The following SOX5 variants were observed in gnomAD, a reference collection of about 807,000 sequenced individuals.
The protein encoded by SOX5 is SRY-box transcription factor 5.
SOX5 carries 9 observed loss-of-function variants against 92.0 expected under a neutral mutation model. The ratio of observed to expected loss-of-function variants is 0.10; its 90% CI spans 0.06 to 0.17. The LOEUF (loss-of-function observed/expected upper bound fraction) is 0.17. Ranked by LOEUF, SOX5 falls within the 10% of genes least tolerant of loss-of-function variation. SOX5 has a pLI of 1.00. For missense variants in SOX5, 642 were observed against 944.5 expected, an observed-to-expected ratio of 0.68 and a Z score of 4.20; for synonymous variants, 344 against 336.3, an observed-to-expected ratio of 1.02 and a Z score of -0.25.
At position 24,485,630 on chromosome 12, in the gene SOX5, A is replaced by T. The variant is rs548243531; in HGVS notation, c.-251+76699T>A. On this transcript the variant is annotated intron_variant, in intron 1 of 4. Transcript: ENST00000446891. ...GACTAGGAAAAAAAAATGTATCTAA[A>T]GAGCACCTAGAAATAAATGTCTGGT... Among the ~76,000 whole-genome samples, 6 of 152,308 alleles carry T rather than the reference A, an allele frequency of 3.9e-5. No individual in the cohort carries two copies. The East Asian group carries it at 9.6e-4, about 24-fold the overall frequency.
intron 8 of SOX5, among the ~76,000 whole-genome samples, chr12:23,639,867 G>A (rs938299728): frequency 3.9e-5 from 6 of 152,114 alleles, no homozygotes; most frequent in African/African-American, 1.4e-4. Flanking sequence ...TTTCCTTATA[G>A]ACTAAGATCA....
chr12:23,838,280 T>C (rs1452091299), intron 3 of SOX5, among the ~76,000 whole-genome samples: 2 of 150,344 alleles, frequency 1.3e-5, no homozygotes, highest in Non-Finnish European at 3.0e-5. Flanking sequence ...GATACAATTT[T>C]TGCTTTGTTA....
chr12:24,019,729 G>A (rs1954074330), intron 4 of SOX5, among the ~76,000 whole-genome samples: 1 of 152,176 alleles, frequency 6.6e-6, no homozygotes, highest in South Asian at 2.1e-4. Context: ...AATGTGCCCA[G>A]TGTCTCAGAG....
intron 11 of SOX5, among the ~76,000 whole-genome samples, chr12:23,549,005 C>A (rs1943673321): frequency 6.6e-6 from 1 of 152,048 alleles, no homozygotes; most frequent in East Asian, 1.9e-4. Context: ...TCCAGCCATC[C>A]CCTCTCTGAA....
intron 1 of SOX5, among the ~76,000 whole-genome samples, chr12:24,538,876 G>C (rs1213353428): frequency 6.6e-6 from 1 of 151,840 alleles, no homozygotes; most frequent in Non-Finnish European, 1.5e-5. Context: ...AAACACGCTG[G>C]GATTTTGTTT....
chr12:24,479,448 T>G (rs1416269922), intron 1 of SOX5, among the ~76,000 whole-genome samples: 1 of 152,204 alleles, frequency 6.6e-6, no homozygotes, highest in East Asian at 1.9e-4. Flanking sequence ...ATTTAATCTT[T>G]GCAACAACCG....
intron 4 of SOX5, among the ~76,000 whole-genome samples, chr12:24,207,598 G>A (rs1476796821): frequency 6.6e-6 from 1 of 152,166 alleles, no homozygotes; most frequent in African/African-American, 2.4e-5. Flanking sequence ...AGGGCCCTGG[G>A]CAGATATTAA....
chr12:24,335,974 T>TATATATATATATATATATATATATATAG (rs1555235780), intron 2 of SOX5, among the ~76,000 whole-genome samples: 1 of 138,032 alleles, frequency 7.2e-6, no homozygotes. Flanking sequence ...AATGCTATCA[T>TATATATATATATATATATATATATATAG]ATATATATAT....
chr12:24,266,584 C>T lies in SOX5; in HGVS notation c.-77+10632G>A, dbSNP rs1213319865. ...GAATTACTTGATGATTTATAAAAAT[C>T]AAACATTTTATGTTTATTCTTCATT... On this transcript the variant is annotated intron_variant, in intron 3 of 4. Transcript: ENST00000446891. 2.0e-5 allele frequency among the ~76,000 whole-genome samples: 3 copies of T among 152,148 alleles called. No individual in the cohort carries two copies. The East Asian group carries it at 5.8e-4, about 29-fold the overall frequency.
rs371398111 is a variant in SOX5 at position 24,127,347 on chromosome 12, C to A, written c.-2+85996G>T. ...TGGGTTCAGCTGTGAGCTGAGACTGCCCCACTGCATTCCAGCCTGGGTAAT... is the reference window on the plus strand; with the variant it reads ...TGGGTTCAGCTGTGAGCTGAGACTGACCCACTGCATTCCAGCCTGGGTAAT... On this transcript the variant is annotated intron_variant, in intron 4 of 4. Coordinates refer to the SOX5 transcript ENST00000446891. Among the ~76,000 whole-genome samples the A allele has an allele frequency of 2.0e-5, 3 of 151,140 alleles. No homozygotes were observed. The East Asian group carries it at 5.8e-4, about 29-fold the overall frequency.
At chr12:23,629,812 T>C (rs1206744247) in intron 8 of SOX5, among the ~76,000 whole-genome samples, 3 of 151,992 alleles carry the variant, frequency 2.0e-5, no homozygotes, top group African/African-American at 4.8e-5. Context: ...CTGATTCATC[T>C]TTGCATTTCT....
chr12:24,185,702 A>G (rs1955946828), intron 4 of SOX5, among the ~76,000 whole-genome samples: 1 of 152,192 alleles, frequency 6.6e-6, no homozygotes, highest in Admixed American at 6.5e-5. Context: ...GAAGGTTAGT[A>G]ATAGAACCTG....
At chr12:23,896,138 C>G in intron 1 of SOX5, 114 bp from the exon 2 acceptor site, 1 of 708,442 alleles carries the variant, frequency 1.4e-6, no homozygotes, top group Non-Finnish European at 2.4e-6. Flanking sequence ...TAGCAGAGAG[C>G]AGGAAACCAT....
intron 4 of SOX5, among the ~76,000 whole-genome samples, chr12:24,034,452 C>T (rs1955818574): frequency 6.6e-6 from 1 of 151,286 alleles, no homozygotes; most frequent in Admixed American, 6.6e-5. Flanking sequence ...TGCAGCTTTC[C>T]TGGGCTGTAC....
chr12:24,093,824 T>C (rs117222032), intron 4 of SOX5, among the ~76,000 whole-genome samples: 6,261 of 152,238 alleles, frequency 0.041, 155 homozygotes, highest in Admixed American at 0.061. Flanking sequence ...CAAATGGTTG[T>C]ACCAGTTTCT....
intron 3 of SOX5, chr12:24,237,954 G>A (rs983700316): frequency 6.6e-6 from 1 of 152,158 alleles, no homozygotes; most frequent in Non-Finnish European, 1.5e-5. Context: ...ACCCTGCTGG[G>A]CCATGGTAAC....
At chr12:24,429,733 C>T (rs911992769) in intron 1 of SOX5, among the ~76,000 whole-genome samples, 2 of 151,976 alleles carry the variant, frequency 1.3e-5, no homozygotes, top group African/African-American at 4.8e-5. Flanking sequence ...ATATGTTCTA[C>T]TCAATATCTA....
In SOX5 at chr12:24,123,378, T is replaced by C. The variant is rs1478586552; in HGVS notation, c.-2+89965A>G. 3.3e-5 allele frequency among the ~76,000 whole-genome samples: 5 copies of C among 152,344 alleles called. No individual in the cohort carries two copies. The South Asian group carries it at 8.3e-4, about 25-fold the overall frequency. ...GAAAATCATTTTCTTCTTTTTTAAA[T>C]TCCCTGAATTACATTGAATATACAC... On this transcript the variant is annotated intron_variant, in intron 4 of 4. Transcript: ENST00000446891.
intron 4 of SOX5, among the ~76,000 whole-genome samples, chr12:24,152,926 T>C (rs201087629): frequency 6.6e-6 from 1 of 152,152 alleles, no homozygotes; most frequent in African/African-American, 2.4e-5. Flanking sequence ...ATTAGCTCTG[T>C]TTTATTACAA....
Sources: allele counts gnomAD v4.1 joint callset (sites outside exome capture counted in the v4.1 genomes callset), GRCh38; gene constraint gnomAD v4.1.1; transcripts MANE v1.5; gene names NCBI Gene and HGNC (gene_info 2026-07-23, HGNC 2026-07-21).